TNR: variants seen among roughly 807,000 people sequenced by gnomAD.
TNR encodes tenascin-R.
Under a neutral mutation model 150.4 loss-of-function variants are expected in TNR, and 45 were observed. The observed-to-expected ratio is 0.30, with a 90% CI of 0.24 to 0.38. The LOEUF (loss-of-function observed/expected upper bound fraction) is 0.38, where lower values mean the gene tolerates loss of function less well. TNR is among the 10% of genes least tolerant of loss of function. The pLI is 1.00. For synonymous variants in TNR, 687 were observed against 678.4 expected, an observed-to-expected ratio of 1.01 and a Z score of -0.20; for missense variants, 1,544 against 1,759.1, an observed-to-expected ratio of 0.88 and a Z score of 2.19.
chr1:175,596,321 C>T (rs1177879425), intron 1 of TNR, among the ~76,000 whole-genome samples: 2 of 151,982 alleles, frequency 1.3e-5, no homozygotes, highest in Admixed American at 6.6e-5. Flanking sequence ...TCCTCCAGTT[C>T]CCCCCACCCG....
At chr1:175,479,778 G>A (rs1216973669) in intron 2 of TNR, among the ~76,000 whole-genome samples, 2 of 152,052 alleles carry the variant, frequency 1.3e-5, no homozygotes, top group Non-Finnish European at 2.9e-5. Flanking sequence ...ATGCTTTGTG[G>A]CTAGTAGGTT....
rs1426816781 is a variant in TNR, at chr1:175,320,114, C to T, written c.*3243G>A. On this transcript the variant is annotated 3_prime_UTR_variant, in exon 23 of 23. Transcript: ENST00000367674. ...ATATCCTGATGTGTCTGTAGTTAAA[C>T]AGCCTCTGAGAAGGGTCTACCTCGA... 6.6e-6 allele frequency: 1 copy of T among 152,322 alleles called. No homozygotes were observed. The highest frequency in any genetic ancestry group is 2.4e-5 in the African/African-American group (1 of 41,448). The allele number at this position is 152,322 out of a possible 1,614,324, so 9.4% of individuals were successfully genotyped here.
At chr1:175,553,107 A>G (rs1661008507) in intron 1 of TNR, among the ~76,000 whole-genome samples, 1 of 152,212 alleles carries the variant, frequency 6.6e-6, no homozygotes, top group South Asian at 2.1e-4. Flanking sequence ...TAGATTTCAC[A>G]TCATATTTTA....
At chr1:175,533,033 G>T (rs1384554545) in intron 1 of TNR, among the ~76,000 whole-genome samples, 1 of 152,200 alleles carries the variant, frequency 6.6e-6, no homozygotes, top group Non-Finnish European at 1.5e-5. Flanking sequence ...TCAACTGGGG[G>T]TCATCTTGAA....
intron 2 of TNR, among the ~76,000 whole-genome samples, chr1:175,500,074 A>C (rs1225631403): frequency 6.6e-6 from 1 of 152,170 alleles, no homozygotes; most frequent in Non-Finnish European, 1.5e-5. Flanking sequence ...GCCTCAGTCT[A>C]CTTGAGACTT....
chr1:175,369,315 C>T (rs1015103269), intron 9 of TNR, among the ~76,000 whole-genome samples: 1 of 152,144 alleles, frequency 6.6e-6, no homozygotes, highest in Non-Finnish European at 1.5e-5. Flanking sequence ...ATCAAGGTGT[C>T]GCCAGGACCA....
rs539487475 is a variant in TNR at position 175,522,577 on chromosome 1, T to G, written c.-64+5692A>C. 3.9e-5 allele frequency among the ~76,000 whole-genome samples: 6 copies of G among 152,180 alleles called. No homozygotes were observed. The East Asian group carries it at 1.2e-3, about 29-fold the overall frequency. ...GAAATAAAAAATAAAAAAAAATTGCTTTCTTAAATAGAACTTATGCAAAAC... is the reference window on the plus strand; with the variant it reads ...GAAATAAAAAATAAAAAAAAATTGCGTTCTTAAATAGAACTTATGCAAAAC... On this transcript the variant is annotated intron_variant, in intron 2 of 22. Coordinates refer to ENST00000367674, the MANE Select transcript of TNR (RefSeq NM_003285.3).
At chr1:175,473,829 T>C (rs560105945) in intron 2 of TNR, among the ~76,000 whole-genome samples, 15 of 152,178 alleles carry the variant, frequency 9.9e-5, no homozygotes, top group Non-Finnish European at 1.5e-5. Context: ...TAACATGCAT[T>C]TCTGTCTAAT....
intron 1 of TNR, among the ~76,000 whole-genome samples, chr1:175,631,685 T>C (rs1310075608): frequency 3.9e-5 from 6 of 152,106 alleles, no homozygotes; most frequent in Non-Finnish European, 8.8e-5. Flanking sequence ...TATGCATGTG[T>C]ATGAGTGTGT....
chr1:175,640,792 T>TATATATATATATATATATATATAC (rs1558050172), intron 1 of TNR, among the ~76,000 whole-genome samples: 3 of 130,784 alleles, frequency 2.3e-5, no homozygotes, highest in African/African-American at 1.0e-4. Context: ...TGTGTGTGGG[T>TATATATATATATATATATATATAC]ATATATATAT....
chr1:175,493,704 C>T (rs899248487), intron 2 of TNR, among the ~76,000 whole-genome samples: 2 of 152,234 alleles, frequency 1.3e-5, no homozygotes, highest in African/African-American at 4.8e-5. Context: ...CTCCTTTCCT[C>T]CTGGGGACAC....
At chr1:175,580,136 T>A (rs1316153770) in intron 1 of TNR, among the ~76,000 whole-genome samples, 1 of 152,212 alleles carries the variant, frequency 6.6e-6, no homozygotes, top group Non-Finnish European at 1.5e-5. Flanking sequence ...TGGCAGCTGA[T>A]GCAAGACAGC....
chr1:175,440,345 A>G (rs549830844), intron 2 of TNR, among the ~76,000 whole-genome samples: 125 of 143,772 alleles, frequency 8.7e-4, no homozygotes, highest in African/African-American at 2.9e-3. Flanking sequence ...TGGACACAGG[A>G]AGGGGAACAT....
chr1:175,613,842 A>G (rs367951844), intron 1 of TNR, among the ~76,000 whole-genome samples: 2 of 152,190 alleles, frequency 1.3e-5, no homozygotes, highest in Non-Finnish European at 2.9e-5. Flanking sequence ...TAAGATGAAC[A>G]TGATGCCGTC....
At chr1:175,428,650 AATATT>A (rs1478328174) in intron 2 of TNR, among the ~76,000 whole-genome samples, 9 of 152,240 alleles carry the variant, frequency 5.9e-5, no homozygotes, top group African/African-American at 2.2e-4. Context: ...TACCAGGCAT[AATATT>A]ATATGTTGGC....
chr1:175,370,117 A>ATCTATAT (rs1481131964), intron 9 of TNR, among the ~76,000 whole-genome samples: 33 of 152,200 alleles, frequency 2.2e-4, no homozygotes, highest in Admixed American at 1.5e-3. Context: ...CGTCTGACAT[A>ATCTATAT]TCTATATTTG....
chr1:175,666,135 G>C (rs1229857291), intron 1 of TNR, among the ~76,000 whole-genome samples: 1 of 152,158 alleles, frequency 6.6e-6, no homozygotes, highest in Admixed American at 6.5e-5. Context: ...ACCCTGAAAG[G>C]TAAGTATTAT....
chr1:175,471,535 G>A (rs913515971), intron 2 of TNR, among the ~76,000 whole-genome samples: 2 of 152,174 alleles, frequency 1.3e-5, no homozygotes, highest in Admixed American at 6.5e-5. Flanking sequence ...AAATATTTGT[G>A]TCTCTAAACA....
rs767770878 is a variant in TNR, at chr1:175,330,041, TGTCCTTGGG to T, written c.3793+24_3793+32del. 1.6e-5 allele frequency: 24 copies of T among 1,491,136 alleles called. No homozygotes were observed. The African/African-American group carries it at 1.9e-4, about 12-fold the overall frequency. The allele number at this position is 1,491,136 out of a possible 1,614,324, so 92.4% of individuals were successfully genotyped here. A position where few individuals can be genotyped will look rare whatever the true frequency, so the allele number is the denominator to read the frequency against. The stretch of plus-strand genomic sequence containing the variant: ...CTGGGGGCTCTTGTCCCATGCCCAC[TGTCCTTGGG>T]GTCTGCTCAGGAGCCATAGGTACCC... On this transcript the variant is annotated intron_variant, in intron 21 of 22. Coordinates refer to ENST00000367674, the MANE Select transcript of TNR (RefSeq NM_003285.3).
Sources: allele counts gnomAD v4.1 joint callset (sites outside exome capture counted in the v4.1 genomes callset), GRCh38; gene constraint gnomAD v4.1.1; transcripts MANE v1.5; gene names NCBI Gene and HGNC (gene_info 2026-07-23, HGNC 2026-07-21).